Variants in RALYL observed in about 807,000 individuals in gnomAD.
RALYL encodes RNA-binding Raly-like protein.
Under a neutral mutation model 35.1 loss-of-function variants are expected in RALYL, and 29 were observed. That is an observed-to-expected ratio of 0.83 (90% CI 0.61 to 1.13). RALYL has a LOEUF of 1.13. Among genes scored for constraint, RALYL ranks in the 50% most tolerant of loss-of-function variants. The pLI is 0.00. For missense variants in RALYL, 359 were observed against 360.4 expected (o/e 1.00, Z 0.03); for synonymous variants, 120 against 127.6 (o/e 0.94, Z 0.40).
chr8:84,216,561 G>A (rs1008220029), intron 1 of RALYL, among the ~76,000 whole-genome samples: 5 of 152,066 alleles, frequency 3.3e-5, no homozygotes, highest in African/African-American at 1.2e-4. Flanking sequence ...TGTGCGTGTG[G>A]CAAGAATAGC....
intron 2 of RALYL, chr8:84,678,909 C>G (rs1834784588): frequency 1.0e-5 from 2 of 196,756 alleles, no homozygotes; most frequent in Admixed American, 1.1e-4. Flanking sequence ...AAATCGTGGT[C>G]AGAGCACTTA....
chr8:84,218,842 A>T (rs1472967716), intron 1 of RALYL, among the ~76,000 whole-genome samples: 3 of 152,000 alleles, frequency 2.0e-5, no homozygotes, highest in Non-Finnish European at 4.4e-5. Flanking sequence ...GTGCTGAATG[A>T]CTCCCATGAA....
At chr8:84,661,420 A>G (rs982039380) in intron 2 of RALYL, among the ~76,000 whole-genome samples, 15 of 152,214 alleles carry the variant, frequency 9.9e-5, no homozygotes, top group Admixed American at 9.8e-4. Context: ...TTGATTATAC[A>G]GTATGTATAC....
intron 5 of RALYL, among the ~76,000 whole-genome samples, chr8:84,857,968 A>C (rs1050597271): frequency 6.6e-6 from 1 of 152,096 alleles, no homozygotes; most frequent in African/African-American, 2.4e-5. Flanking sequence ...CTTTGTCCAA[A>C]AGGCACTTAG....
intron 1 of RALYL, among the ~76,000 whole-genome samples, chr8:84,423,555 A>T (rs1397850987): frequency 1.3e-5 from 2 of 151,692 alleles, no homozygotes; most frequent in Middle Eastern, 3.4e-3. Flanking sequence ...TTATATTTAA[A>T]TTTAATATTG....
intron 2 of RALYL, chr8:84,678,852 G>A (rs559800074): frequency 2.2e-4 from 38 of 176,446 alleles, no homozygotes; most frequent in Admixed American, 1.1e-3. Context: ...TGAGAAGGAT[G>A]ACAAACACTT....
chr8:84,697,299 C>T (rs1386435650), intron 2 of RALYL, among the ~76,000 whole-genome samples: 1 of 151,886 alleles, frequency 6.6e-6, no homozygotes, highest in Non-Finnish European at 1.5e-5. Flanking sequence ...CTATTTTAAG[C>T]ATTATATTTT....
intron 3 of RALYL, among the ~76,000 whole-genome samples, chr8:84,801,735 T>G (rs1393887367): frequency 1.3e-5 from 2 of 152,182 alleles, no homozygotes; most frequent in African/African-American, 4.8e-5. Flanking sequence ...TGTTTATTGT[T>G]TAGTTAGAGA....
chr8:84,404,677 C>T (rs2043277635), intron 1 of RALYL, among the ~76,000 whole-genome samples: 1 of 152,124 alleles, frequency 6.6e-6, no homozygotes, highest in African/African-American at 2.4e-5. Context: ...CAGGATGATG[C>T]TAGCCTCATA....
At chr8:84,813,068 C>A (rs540726317) in intron 4 of RALYL, among the ~76,000 whole-genome samples, 3 of 152,198 alleles carry the variant, frequency 2.0e-5, no homozygotes, top group African/African-American at 7.2e-5. Flanking sequence ...CTTGAAGACC[C>A]AGCGAGCTCC....
intron 3 of RALYL, among the ~76,000 whole-genome samples, chr8:84,795,342 C>A (rs1231871778): frequency 2.0e-5 from 3 of 152,188 alleles, no homozygotes; most frequent in Admixed American, 1.3e-4. Context: ...TGCTCTATGT[C>A]TTCCTAGCTC....
At chr8:84,521,698 TTAA>T (rs1427709572) in intron 1 of RALYL, among the ~76,000 whole-genome samples, 1 of 152,264 alleles carries the variant, frequency 6.6e-6, no homozygotes, top group Non-Finnish European at 1.5e-5. Flanking sequence ...TGGAAGTTTA[TTAA>T]TATTCCAAAT....
chr8:84,305,915 G>C (rs1446135140), intron 1 of RALYL, among the ~76,000 whole-genome samples: 1 of 152,132 alleles, frequency 6.6e-6, no homozygotes, highest in Non-Finnish European at 1.5e-5. Flanking sequence ...CTAAGAGGCA[G>C]AGAGACTTTT....
intron 2 of RALYL, among the ~76,000 whole-genome samples, chr8:84,605,270 C>T (rs2130800176): frequency 6.6e-6 from 1 of 152,212 alleles, no homozygotes; most frequent in Admixed American, 6.5e-5. Context: ...CATACACAGC[C>T]TCAGGCCTGA....
chr8:84,698,977 A>T (rs1393812970), intron 2 of RALYL, among the ~76,000 whole-genome samples: 2 of 151,542 alleles, frequency 1.3e-5, no homozygotes, highest in African/African-American at 4.9e-5. Flanking sequence ...ACCACTCACA[A>T]CCCTGTGGCT....
intron 2 of RALYL, among the ~76,000 whole-genome samples, chr8:84,621,259 G>A (rs962338901): frequency 3.3e-5 from 5 of 152,286 alleles, no homozygotes; most frequent in South Asian, 2.1e-4. Flanking sequence ...GGGCGTGGGC[G>A]TAGGACTCTC....
At chr8:84,582,141 A>G (rs370386091) in intron 2 of RALYL, among the ~76,000 whole-genome samples, 13 of 152,274 alleles carry the variant, frequency 8.5e-5, no homozygotes, top group African/African-American at 3.1e-4. Flanking sequence ...AAGTTGACAC[A>G]AAGTTATATT....
chr8:84,823,391 A>G lies in RALYL; in HGVS notation c.365+18589A>G, dbSNP rs565893589. Reference sequence around the variant, plus strand: ...TGAACAGACATCTGTAACATAAGTCATTCCTTGAAGACTCTTGAAAGAGAG... The same window carrying G: ...TGAACAGACATCTGTAACATAAGTCGTTCCTTGAAGACTCTTGAAAGAGAG... On this transcript the variant is annotated intron_variant, in intron 4 of 8. Transcript: ENST00000521268. Among the ~76,000 whole-genome samples, 10 of 152,282 alleles carry G rather than the reference A, an allele frequency of 6.6e-5. No homozygotes were observed. In the East Asian group the frequency reaches 9.6e-4, roughly 15 times the overall value.
chr8:84,835,148 G>A (rs568235612), intron 4 of RALYL, among the ~76,000 whole-genome samples: 5 of 152,190 alleles, frequency 3.3e-5, no homozygotes, highest in South Asian at 2.1e-4. Context: ...GAAGAGAGAC[G>A]GTGATAATTA....
Sources: allele counts gnomAD v4.1 joint callset (sites outside exome capture counted in the v4.1 genomes callset), GRCh38; gene constraint gnomAD v4.1.1; transcripts MANE v1.5; gene names NCBI Gene and HGNC (gene_info 2026-07-23, HGNC 2026-07-21).